The following TARS3 variants were observed in gnomAD, a reference collection of about 807,000 sequenced individuals.
TARS3 encodes the protein threonine--tRNA ligase 2, cytoplasmic.
TARS3 carries 94 observed loss-of-function variants against 103.5 expected under a neutral mutation model. The ratio of observed to expected loss-of-function variants is 0.91; its 90% CI spans 0.77 to 1.08. The LOEUF is 1.08. Among genes scored for constraint, TARS3 ranks in the 50% least tolerant of loss-of-function variants. The probability of loss-of-function intolerance (pLI) is 0.00; values close to 1 mark genes in which losing one functional copy is unlikely to be tolerated. For missense variants in TARS3, 952 were observed against 995.2 expected (o/e 0.96, Z 0.58); for synonymous variants, 416 against 355.4 (o/e 1.17, Z -1.92).
At chr15:101,661,101 G>A (rs62027591) in intron 16 of TARS3, among the ~76,000 whole-genome samples, 6 of 88,876 alleles carry the variant, frequency 6.8e-5, no homozygotes, top group Admixed American at 2.1e-4. Flanking sequence ...AAGGACCACA[G>A]GATGCACCAC....
chr15:101,654,853 G>A (rs1596274657), intron 18 of TARS3, 123 bp from the exon 19 acceptor site: 2 of 914,420 alleles, frequency 2.2e-6, no homozygotes, highest in Non-Finnish European at 3.3e-6. Context: ...CATCTAATGA[G>A]CATTTGGTTC....
chr15:101,673,706 T>C lies in TARS3; in HGVS notation c.1788+1894A>G, dbSNP rs142556043. 3.2e-3 allele frequency among the ~76,000 whole-genome samples: 482 copies of C among 152,270 alleles called. 2 individuals carry two copies. The highest frequency in any genetic ancestry group is 9.9e-3 in the African/African-American group (413 of 41,552). ...GAGTCTGCATCCTTCCCAGGGTAGA[T>C]AGGCTATCTCATTTGGCCCTCTTTG... On this transcript the variant is annotated intron_variant, in intron 13 of 18. Coordinates refer to ENST00000335968, the MANE Select transcript of TARS3 (RefSeq NM_152334.3).
chr15:101,687,732 C>G (rs1167260942), intron 10 of TARS3, among the ~76,000 whole-genome samples: 1 of 152,114 alleles, frequency 6.6e-6, no homozygotes, highest in Non-Finnish European at 1.5e-5. Flanking sequence ...GATATTGATA[C>G]CTTAACCCCA....
chr15:101,703,235 T>A (rs1899372408), intron 8 of TARS3, among the ~76,000 whole-genome samples: 1 of 152,220 alleles, frequency 6.6e-6, no homozygotes, highest in South Asian at 2.1e-4. Flanking sequence ...CAGACAAATA[T>A]TCTTGCTTAC....
chr15:101,690,719 G>C (rs888660281), intron 10 of TARS3, among the ~76,000 whole-genome samples: 1 of 152,164 alleles, frequency 6.6e-6, no homozygotes, highest in African/African-American at 2.4e-5. Flanking sequence ...AGAAACATTA[G>C]ACTTTTCATT....
rs767889962 is a variant in TARS3 at position 101,705,668 on chromosome 15, T to C, written c.995+15A>G. 31 of 1,607,024 alleles carry C rather than the reference T, an allele frequency of 1.9e-5. No homozygotes were observed. In the Admixed American group the frequency reaches 3.5e-4, roughly 18 times the overall value. Reference sequence around the variant, plus strand: ...GTTTACCACTGAGCAGCGTTTACCATGTGTGGACACAAACCTGTACACGGT... The same window carrying C: ...GTTTACCACTGAGCAGCGTTTACCACGTGTGGACACAAACCTGTACACGGT... On this transcript the variant is annotated intron_variant, in intron 7 of 18. Coordinates refer to ENST00000335968, the MANE Select transcript of TARS3 (RefSeq NM_152334.3).
intron 4 of TARS3, among the ~76,000 whole-genome samples, chr15:101,714,483 T>C (rs1254483375): frequency 1.3e-5 from 2 of 151,604 alleles, no homozygotes; most frequent in African/African-American, 4.8e-5. Context: ...TGTGCACCTG[T>C]AGTCCCAGGT....
chr15:101,686,337 A>AAT (rs1292383650), intron 10 of TARS3, among the ~76,000 whole-genome samples: 2 of 152,192 alleles, frequency 1.3e-5, no homozygotes, highest in South Asian at 4.1e-4. Flanking sequence ...ATTGAAATAC[A>AAT]ATATATATAG....
intron 12 of TARS3, among the ~76,000 whole-genome samples, chr15:101,678,155 T>G (rs1898109158): frequency 6.6e-6 from 1 of 151,908 alleles, no homozygotes. Context: ...AATTTATGTA[T>G]TTTTAGTAGA....
At chr15:101,709,791 C>T (rs1200401611) in intron 5 of TARS3, among the ~76,000 whole-genome samples, 1 of 152,256 alleles carries the variant, frequency 6.6e-6, no homozygotes, top group East Asian at 1.9e-4. Flanking sequence ...TGAACGAATA[C>T]TGGAGCCATG....
At chr15:101,668,524 C>CA (rs1897670505) in intron 15 of TARS3, among the ~76,000 whole-genome samples, 1 of 152,096 alleles carries the variant, frequency 6.6e-6, no homozygotes, top group South Asian at 2.1e-4. Context: ...TGAAATACTG[C>CA]AAGAATTACC....
rs776619236 is a variant in TARS3 at position 101,721,116 on chromosome 15, T to C, written c.566+10A>G. 2.5e-6 allele frequency: 4 copies of C among 1,589,726 alleles called. No individual in the cohort carries two copies. In the African/African-American group the frequency reaches 4.0e-5, roughly 16 times the overall value. ...TTAAGATTGAATATCTTTTCCACAC[T>C]GCGGTTTACCTAATTTCAGCAGCCA... On this transcript the variant is annotated intron_variant, in intron 3 of 18. Transcript: ENST00000335968.
intron 6 of TARS3, among the ~76,000 whole-genome samples, chr15:101,707,104 G>C (rs546984813): frequency 3.3e-4 from 50 of 152,194 alleles, no homozygotes; most frequent in South Asian, 1.5e-3. Context: ...TACGTCATCA[G>C]AGAAATGCAA....
intron 5 of TARS3, among the ~76,000 whole-genome samples, chr15:101,710,516 T>C (rs765771562): frequency 1.3e-5 from 2 of 152,218 alleles, no homozygotes; most frequent in Non-Finnish European, 2.9e-5. Context: ...TCAGGGTAGA[T>C]AGTGTCAGAA....
intron 15 of TARS3, among the ~76,000 whole-genome samples, chr15:101,667,683 G>A (rs1897634530): frequency 6.6e-6 from 1 of 151,974 alleles, no homozygotes; most frequent in Admixed American, 6.6e-5. Flanking sequence ...TGATTCTCCT[G>A]CCTCAGCCTC....
intron 10 of TARS3, among the ~76,000 whole-genome samples, chr15:101,696,539 GAT>G (rs1395506389): frequency 6.6e-6 from 1 of 152,142 alleles, no homozygotes; most frequent in African/African-American, 2.4e-5. Context: ...TAAGTTCTGG[GAT>G]ACTTTGCTAT....
chr15:101,665,747 C>T (rs1479482748), intron 15 of TARS3, among the ~76,000 whole-genome samples: 1 of 152,168 alleles, frequency 6.6e-6, no homozygotes, highest in Non-Finnish European at 1.5e-5. Flanking sequence ...ATAAAACTAG[C>T]CAATCTTTCA....
At chr15:101,706,071 C>T (rs1023441828) in intron 6 of TARS3, among the ~76,000 whole-genome samples, 2 of 152,204 alleles carry the variant, frequency 1.3e-5, no homozygotes, top group African/African-American at 4.8e-5. Flanking sequence ...TCAAGCGATT[C>T]TGCCTCAGCC....
chr15:101,708,173 C>T (rs1413190109), intron 6 of TARS3, among the ~76,000 whole-genome samples: 3 of 130,454 alleles, frequency 2.3e-5, no homozygotes, highest in Non-Finnish European at 4.7e-5. Flanking sequence ...ATCCAGGAGG[C>T]GGAGGTTGCA....
Sources: gnomAD v4.1 joint callset for allele counts (sites outside exome capture counted in the v4.1 genomes callset) on GRCh38, gnomAD v4.1.1 for gene constraint, MANE v1.5 for transcripts, NCBI Gene and HGNC (gene_info 2026-07-23, HGNC 2026-07-21) for gene names.